Variants in OSBPL10 observed in about 807,000 individuals in gnomAD.
The protein encoded by OSBPL10 is oxysterol binding protein like 10, also known as oxysterol-binding protein-related protein 10.
OSBPL10 carries 49 observed loss-of-function variants against 81.7 expected under a neutral mutation model. The ratio of observed to expected loss-of-function variants is 0.60; its 90% confidence interval spans 0.48 to 0.76. The LOEUF (loss-of-function observed/expected upper bound fraction) is 0.76. OSBPL10 is among the 30% of genes least tolerant of loss of function. The pLI, the probability that OSBPL10 is intolerant of heterozygous loss-of-function variation, is 0.00. For synonymous variants in OSBPL10, 419 were observed against 383.6 expected (o/e 1.09, Z -1.08); for missense variants, 923 against 987.8 (o/e 0.93, Z 0.88).
chr3:31,935,579 A>C (rs976997652), intron 1 of OSBPL10, among the ~76,000 whole-genome samples: 1 of 149,268 alleles, frequency 6.7e-6, no homozygotes, highest in Non-Finnish European at 1.5e-5. Flanking sequence ...GCTGGAGTGC[A>C]GTGGTATGAT....
At chr3:31,812,816 A>AAGAGAGAG (rs113963524) in intron 4 of OSBPL10, among the ~76,000 whole-genome samples, 19 of 32,424 alleles carry the variant, frequency 5.9e-4, no homozygotes, top group Admixed American at 2.7e-3. Flanking sequence ...GAAAGAAAGA[A>AAGAGAGAG]AGAGAAAGAA....
chr3:31,899,193 CGGCCTCCCA>C (rs1440060562), intron 1 of OSBPL10, among the ~76,000 whole-genome samples: 91 of 152,188 alleles, frequency 6.0e-4, no homozygotes, highest in African/African-American at 2.1e-3. Flanking sequence ...CCGCCCATCT[CGGCCTCCCA>C]AAGTGCTAGG....
intron 2 of OSBPL10, among the ~76,000 whole-genome samples, chr3:32,011,702 A>C (rs1699261808): frequency 6.6e-6 from 1 of 152,226 alleles, no homozygotes; most frequent in Admixed American, 6.5e-5. Flanking sequence ...AAAAAAGATT[A>C]GATGAATGGC....
chr3:31,892,348 T>A (rs1258953525), intron 1 of OSBPL10, among the ~76,000 whole-genome samples: 1 of 152,046 alleles, frequency 6.6e-6, no homozygotes, highest in Non-Finnish European at 1.5e-5. Context: ...CGGGACTTTA[T>A]CCTAACATCA....
chr3:32,026,092 T>A (rs909854814), intron 2 of OSBPL10, among the ~76,000 whole-genome samples: 1 of 137,730 alleles, frequency 7.3e-6, no homozygotes, highest in African/African-American at 2.7e-5. Flanking sequence ...GATAGATAGA[T>A]GATAGATAGA....
At chr3:31,730,209 C>T (rs189812950) in intron 6 of OSBPL10, among the ~76,000 whole-genome samples, 10 of 152,122 alleles carry the variant, frequency 6.6e-5, no homozygotes, top group Non-Finnish European at 1.5e-5. Flanking sequence ...AGTGTGATGG[C>T]GCCTGCCTGT....
rs767362542 is a variant in OSBPL10 at position 31,702,347 on chromosome 3, A to G, written c.1245+12T>C. On this transcript the variant is annotated intron_variant, in intron 7 of 11. Transcript: ENST00000396556. The stretch of plus-strand genomic sequence containing the variant: ...ACAACTGACCACAAATCCAGGGGAC[A>G]TGCCAACCTACCTTGGTCAAATCCA... The G allele has an allele frequency of 2.5e-6, 4 of 1,613,468 alleles. No individual in the cohort carries two copies. Among genetic ancestry groups the G allele is most frequent in the South Asian group, 1.1e-5 (1 of 91,066 alleles).
chr3:31,993,681 T>TACACACACAC (rs139678560), intron 2 of OSBPL10, among the ~76,000 whole-genome samples: 29 of 147,308 alleles, frequency 2.0e-4, no homozygotes, highest in African/African-American at 4.8e-4. Flanking sequence ...TACACACACA[T>TACACACACAC]ACACACACAC....
chr3:31,816,500 G>A (rs1315212824), intron 4 of OSBPL10, among the ~76,000 whole-genome samples: 1 of 152,190 alleles, frequency 6.6e-6, no homozygotes, highest in East Asian at 1.9e-4. Flanking sequence ...GAACAAGACA[G>A]TCCAGGATGC....
intron 4 of OSBPL10, among the ~76,000 whole-genome samples, chr3:31,774,775 T>A (rs1005767179): frequency 6.6e-6 from 1 of 150,994 alleles, no homozygotes; most frequent in African/African-American, 2.4e-5. Flanking sequence ...CCTCCCAAAG[T>A]GCTGGGATTA....
intron 1 of OSBPL10, among the ~76,000 whole-genome samples, chr3:31,946,495 T>C (rs1029568561): frequency 6.6e-6 from 1 of 152,140 alleles, no homozygotes; most frequent in Non-Finnish European, 1.5e-5. Context: ...TAGGCTTCTA[T>C]TGAAGCAATG....
intron 1 of OSBPL10, among the ~76,000 whole-genome samples, chr3:32,072,958 C>A (rs1699842585): frequency 1.3e-5 from 2 of 152,068 alleles, no homozygotes; most frequent in South Asian, 4.2e-4. Context: ...GTTTCTCAGG[C>A]TCTTGGTATT....
rs55770286 is a variant in OSBPL10, at chr3:31,943,967, C to CAAAAAAAAAAAAAAAAAAAAAA, written c.281+36910_281+36931dup. 2.1e-4 allele frequency among the ~76,000 whole-genome samples: 8 copies of CAAAAAAAAAAAAAAAAAAAAAA among 37,784 alleles called. 1 individual carries two copies. The highest frequency in any genetic ancestry group is 6.6e-4 in the African/African-American group (5 of 7,616). 24.8% of individuals were successfully genotyped at this position (37,784 alleles called of 152,430 possible). On this transcript the variant is annotated intron_variant, in intron 1 of 11. Coordinates refer to ENST00000396556, the MANE Select transcript of OSBPL10 (RefSeq NM_017784.5). ...TGGGCAACAGAGGAAGACTCCGTCTCAAAAAAAAAAAAAAAAAAAAAAAAA... is the reference window on the plus strand; with the variant it reads ...TGGGCAACAGAGGAAGACTCCGTCTCAAAAAAAAAAAAAAAAAAAAAAAAAAAAAAAAAAAAAAAAAAAAAAA...
intron 1 of OSBPL10, among the ~76,000 whole-genome samples, chr3:31,914,095 A>G (rs1321564895): frequency 6.6e-6 from 1 of 152,028 alleles, no homozygotes; most frequent in African/African-American, 2.4e-5. Context: ...TAATTTTTGT[A>G]TTTTTAGTAG....
chr3:31,832,990 A>G (rs1279963289), intron 3 of OSBPL10, among the ~76,000 whole-genome samples: 1 of 152,226 alleles, frequency 6.6e-6, no homozygotes, highest in Non-Finnish European at 1.5e-5. Flanking sequence ...AATACCGCAG[A>G]TTGTAAAGAT....
At chr3:31,671,196 CAGAA>C (rs1301780484) in intron 8 of OSBPL10, among the ~76,000 whole-genome samples, 3 of 152,188 alleles carry the variant, frequency 2.0e-5, no homozygotes, top group Non-Finnish European at 4.4e-5. Flanking sequence ...TTTCTGCCCT[CAGAA>C]AGCAGAAGAG....
chr3:31,925,548 C>G (rs1163618582), intron 1 of OSBPL10, among the ~76,000 whole-genome samples: 1 of 151,530 alleles, frequency 6.6e-6, no homozygotes, highest in Admixed American at 6.6e-5. Flanking sequence ...CGCAGTGGCT[C>G]ACGCCTGTAA....
chr3:31,747,802 GATGGATGGATCGTAGAGAA>G, intron 5 of OSBPL10, 89 bp downstream of exon 5: 1 of 1,164,430 alleles, frequency 8.6e-7, no homozygotes, highest in Non-Finnish European at 1.3e-6. Context: ...TATAAGGATA[GATGGATGGATCGTAGAGAA>G]ATGGATGGAA....
intron 2 of OSBPL10, among the ~76,000 whole-genome samples, chr3:32,017,870 CA>C (rs2125543427): frequency 6.6e-6 from 1 of 152,230 alleles, no homozygotes; most frequent in Non-Finnish European, 1.5e-5. Flanking sequence ...AAATGTCAGC[CA>C]GGCGCAGTGG....
Sources: allele counts gnomAD v4.1 joint callset (sites outside exome capture counted in the v4.1 genomes callset), GRCh38; gene constraint gnomAD v4.1.1; transcripts MANE v1.5; gene names NCBI Gene and HGNC (gene_info 2026-07-23, HGNC 2026-07-21).